Variants in GANC observed in about 807,000 individuals in gnomAD.
GANC encodes glucosidase alpha, neutral C.
Under a neutral mutation model 124.2 loss-of-function variants are expected in GANC, and 117 were observed. The ratio of observed to expected loss-of-function variants is 0.94; its 90% CI spans 0.81 to 1.10. The LOEUF (loss-of-function observed/expected upper bound fraction) is 1.10. Ranked by LOEUF, GANC falls within the 50% of genes least tolerant of loss-of-function variation. GANC has a pLI of 0.00. For missense variants in GANC, 1,140 were observed against 1,095.0 expected (o/e 1.04, Z -0.58); for synonymous variants, 377 against 376.8 (o/e 1.00, Z -0.01).
At position 42,273,331 on chromosome 15, in the gene GANC, G is replaced by A. The variant is rs778161696; in HGVS notation, c.-1151G>A. The stretch of plus-strand genomic sequence containing the variant: ...CGGTCCCGCACTGAAAAACGACAGT[G>A]GTGACGGGTGAGCTCCCAGAAGCAG... On this transcript the variant is annotated 5_prime_UTR_variant, in exon 1 of 24. Coordinates refer to ENST00000318010, the MANE Select transcript of GANC (RefSeq NM_198141.3). 6 of 1,614,052 alleles carry A rather than the reference G, an allele frequency of 3.7e-6. No individual in the cohort carries two copies. In the African/African-American group the frequency reaches 8.0e-5, roughly 22 times the overall value.
intron 15 of GANC, among the ~76,000 whole-genome samples, chr15:42,337,380 T>C (rs950213303): frequency 1.7e-4 from 26 of 152,144 alleles, no homozygotes; most frequent in African/African-American, 6.0e-4. Context: ...TATTTTTATA[T>C]ATATGAATGA....
intron 15 of GANC, among the ~76,000 whole-genome samples, chr15:42,336,149 AG>A (rs1460615579): frequency 4.8e-5 from 7 of 144,818 alleles, no homozygotes; most frequent in East Asian, 2.0e-4. Flanking sequence ...AAAAAAAAAA[AG>A]AAAAAAAAAA....
chr15:42,284,140 A>G (rs1399492192), intron 3 of GANC: 1 of 610,034 alleles, frequency 1.6e-6, no homozygotes, highest in African/African-American at 1.8e-5. Context: ...GAAAAGCAAG[A>G]TCAACCTACC....
chr15:42,345,670 T>A, intron 19 of GANC, 88 bp from the exon 20 acceptor site: 1 of 713,016 alleles, frequency 1.4e-6, no homozygotes, highest in South Asian at 1.8e-5. Context: ...TTATTTGAAA[T>A]CCAGGTAAGT....
intron 6 of GANC, among the ~76,000 whole-genome samples, chr15:42,305,722 A>G (rs1358102844): frequency 1.3e-5 from 2 of 152,254 alleles, no homozygotes; most frequent in Non-Finnish European, 2.9e-5. Context: ...GACTGGATAA[A>G]GAAAATGTGG....
At chr15:42,329,969 T>C (rs1052935759) in intron 14 of GANC, among the ~76,000 whole-genome samples, 19 of 152,378 alleles carry the variant, frequency 1.2e-4, no homozygotes, top group African/African-American at 4.6e-4. Flanking sequence ...TTATCTTTCA[T>C]TTGCCAACTA....
chr15:42,345,833 G>A lies in GANC; in HGVS notation c.2304+1G>A. On this transcript the variant is annotated splice_donor_variant, in intron 20 of 23. Transcript: ENST00000318010. LOFTEE classifies it high-confidence loss of function. ...AAAGATCCCAGTAGCCTTGGACACT[G>A]TAAGTTATTTTCAGACTACTATTTT... 6.2e-7 allele frequency: 1 copy of A among 1,601,038 alleles called. No individual in the cohort carries two copies. The highest frequency in any genetic ancestry group is 8.6e-7 in the Non-Finnish European group (1 of 1,168,948).
intron 20 of GANC, among the ~76,000 whole-genome samples, chr15:42,346,435 T>C (rs1489026496): frequency 6.6e-6 from 1 of 151,986 alleles, no homozygotes; most frequent in Non-Finnish European, 1.5e-5. Flanking sequence ...TAAAATTGAG[T>C]GTGGTGATGG....
chr15:42,292,317 C>G (rs949955289), intron 4 of GANC, among the ~76,000 whole-genome samples: 5 of 151,040 alleles, frequency 3.3e-5, no homozygotes, highest in African/African-American at 1.2e-4. Flanking sequence ...TAGAAAGTTA[C>G]TAGACCTTCC....
intron 5 of GANC, among the ~76,000 whole-genome samples, chr15:42,296,062 T>G (rs186987145): frequency 9.9e-4 from 150 of 151,164 alleles, no homozygotes; most frequent in African/African-American, 3.5e-3. Context: ...GAGAATCACT[T>G]GAACCTGGGA....
In GANC at chr15:42,330,643, G is replaced by A. The variant is rs532518568; in HGVS notation, c.1712G>A (p.Arg571His). The change falls in exon 15 of 24, where the codon CGT becomes CAT. Residue 571 changes from arginine (R) to histidine (H), a missense_variant. Coordinates refer to ENST00000318010, the MANE Select transcript of GANC (RefSeq NM_198141.3). The stretch of plus-strand genomic sequence containing the variant: ...AAGGAGAGACCCTTTGTTCTTACAC[G>A]TTCTTTCTTTGCTGGATCACAAAAG... The part of the protein sequence containing the change: ...KGKERPFVLT[R>H]SFFAGSQKYG... The A allele has an allele frequency of 3.7e-6, 6 of 1,608,854 alleles. No homozygotes were observed. In the South Asian group the frequency reaches 4.5e-5, roughly 12 times the overall value.
At chr15:42,338,885 A>G (rs2052304748) in intron 16 of GANC, among the ~76,000 whole-genome samples, 2 of 152,216 alleles carry the variant, frequency 1.3e-5, no homozygotes, top group Non-Finnish European at 1.5e-5. Flanking sequence ...TACTCAGCAG[A>G]TTTAAAATTC....
intron 14 of GANC, among the ~76,000 whole-genome samples, chr15:42,330,362 T>C (rs1281803962): frequency 6.6e-6 from 1 of 152,264 alleles, no homozygotes; most frequent in Admixed American, 6.5e-5. Context: ...TATTATTTCA[T>C]TGCTATTGTT....
At chr15:42,299,338 T>C (rs1007143736) in intron 6 of GANC, among the ~76,000 whole-genome samples, 9 of 152,244 alleles carry the variant, frequency 5.9e-5, no homozygotes, top group African/African-American at 1.9e-4. Context: ...TTTTTGTCTT[T>C]GGTTCTGTTT....
chr15:42,288,199 C>T (rs368444378), intron 4 of GANC, among the ~76,000 whole-genome samples: 12 of 152,200 alleles, frequency 7.9e-5, no homozygotes, highest in African/African-American at 1.4e-4. Flanking sequence ...AGCAGGGCTC[C>T]GGAGATCTAA....
chr15:42,281,712 G>T (rs2051736146), intron 3 of GANC, among the ~76,000 whole-genome samples: 1 of 152,022 alleles, frequency 6.6e-6, no homozygotes, highest in South Asian at 2.1e-4. Flanking sequence ...GACAAAGACA[G>T]CATGGAAAAA....
rs147128841 is a variant in GANC, at chr15:42,280,218, A to G, written c.201+1628A>G. Among the ~76,000 whole-genome samples, 1,090 of 152,196 alleles carry G rather than the reference A, an allele frequency of 7.2e-3. 12 individuals carry two copies. Among genetic ancestry groups the G allele is most frequent in the African/African-American group, 0.025 (1,055 of 41,526 alleles). On this transcript the variant is annotated intron_variant, in intron 3 of 23. Transcript: ENST00000318010. ...TCCAAAATCTAGTACTGATTCTTAC[A>G]CCACCCATTTTTCTGGAGTAATTTT... is the stretch of plus-strand genomic sequence containing the variant.
rs140847439 is a variant in GANC at position 42,296,968 on chromosome 15, A to G, written c.513-643A>G. Among the ~76,000 whole-genome samples the G allele has an allele frequency of 1.3e-4, 19 of 151,576 alleles. No individual in the cohort carries two copies. In the East Asian group the frequency reaches 3.7e-3, roughly 29 times the overall value. On this transcript the variant is annotated intron_variant, in intron 5 of 23. Coordinates refer to ENST00000318010, the MANE Select transcript of GANC (RefSeq NM_198141.3). ...ACTGAAATGCATTTATTTTTTCTAC[A>G]ATTTTAGATTGGCAAAAACTGAAAG...
At chr15:42,279,775 A>C (rs1208042171) in intron 3 of GANC, among the ~76,000 whole-genome samples, 1 of 152,210 alleles carries the variant, frequency 6.6e-6, no homozygotes, top group Non-Finnish European at 1.5e-5. Context: ...CTGCTTGGAT[A>C]ATAACGGCAC....
Sources: allele counts gnomAD v4.1 joint callset (sites outside exome capture counted in the v4.1 genomes callset), GRCh38; gene constraint gnomAD v4.1.1; transcripts MANE v1.5; gene names NCBI Gene and HGNC (gene_info 2026-07-23, HGNC 2026-07-21).